UNC13C: variants seen among roughly 807,000 people sequenced by gnomAD.
UNC13C encodes the protein protein unc-13 homolog C.
UNC13C carries 174 observed loss-of-function variants against 245.4 expected under a neutral mutation model. That is an observed-to-expected ratio of 0.71 (90% CI 0.63 to 0.80). The LOEUF (loss-of-function observed/expected upper bound fraction) is 0.80. Among genes scored for constraint, UNC13C ranks in the 30% least tolerant of loss-of-function variants. The pLI is 0.00. For synonymous variants in UNC13C, 992 were observed against 895.1 expected, an observed-to-expected ratio of 1.11 and a Z score of -1.93; for missense variants, 2,829 against 2,602.9, an observed-to-expected ratio of 1.09 and a Z score of -1.89.
At chr15:54,379,497 T>G (rs2039675368) in intron 17 of UNC13C, among the ~76,000 whole-genome samples, 1 of 152,136 alleles carries the variant, frequency 6.6e-6, no homozygotes, top group South Asian at 2.1e-4. Context: ...TAGCCTTTAT[T>G]ATACCTTTTT....
At chr15:53,881,753 C>T in the UNC13C span, among the ~76,000 whole-genome samples, 1 of 152,202 alleles carries the variant, frequency 6.6e-6, no homozygotes, top group Non-Finnish European at 1.5e-5. Context: ...TTAGAGGGCT[C>T]ATGTTCTCAA....
chr15:53,984,101 T>TA, intron 1 of UNC13C, among the ~76,000 whole-genome samples: 1 of 152,242 alleles, frequency 6.6e-6, no homozygotes, highest in African/African-American at 2.4e-5. Flanking sequence ...TTCATTGTCC[T>TA]AAAAAATGCT....
chr15:53,997,903 AGCTAT>A (rs1894707626), intron 1 of UNC13C, among the ~76,000 whole-genome samples: 1 of 151,968 alleles, frequency 6.6e-6, no homozygotes, highest in Non-Finnish European at 1.5e-5. Context: ...GCCAGGCCCA[AGCTAT>A]CCTCCCACCT....
intron 18 of UNC13C, among the ~76,000 whole-genome samples, chr15:54,404,648 A>T (rs912992059): frequency 2.0e-5 from 3 of 152,264 alleles, no homozygotes; most frequent in African/African-American, 4.8e-5. Flanking sequence ...GTTAATTTAA[A>T]TATATATGGT....
At chr15:54,004,460 T>C (rs1036316546) in intron 1 of UNC13C, among the ~76,000 whole-genome samples, 2 of 152,208 alleles carry the variant, frequency 1.3e-5, no homozygotes, top group Non-Finnish European at 2.9e-5. Flanking sequence ...GAACAGTACT[T>C]CAACAGGCAT....
chr15:54,311,149 C>A (rs959072458), intron 13 of UNC13C, among the ~76,000 whole-genome samples: 1 of 151,622 alleles, frequency 6.6e-6, no homozygotes, highest in Non-Finnish European at 1.5e-5. Context: ...AATTCTGTTG[C>A]TCAGTTTCAG....
chr15:53,991,589 C>T (rs1470143904), intron 1 of UNC13C, among the ~76,000 whole-genome samples: 3 of 151,900 alleles, frequency 2.0e-5, no homozygotes, highest in African/African-American at 2.4e-5. Flanking sequence ...ACCTTCTAAT[C>T]ATCCATTATT....
the UNC13C span, among the ~76,000 whole-genome samples, chr15:53,902,029 G>A: frequency 6.7e-6 from 1 of 148,808 alleles, no homozygotes; most frequent in Non-Finnish European, 1.5e-5. Flanking sequence ...ACCACCACAT[G>A]TGCATTAGTT....
intron 16 of UNC13C, among the ~76,000 whole-genome samples, chr15:54,335,193 C>T (rs991588497): frequency 6.6e-6 from 1 of 152,068 alleles, no homozygotes; most frequent in African/African-American, 2.4e-5. Context: ...TTCCAGCAAT[C>T]CTCTCCACTC....
chr15:54,199,907 G>A (rs917075918), intron 4 of UNC13C, among the ~76,000 whole-genome samples: 12 of 152,024 alleles, frequency 7.9e-5, no homozygotes, highest in Non-Finnish European at 1.3e-4. Flanking sequence ...TGGCTGAATA[G>A]ATGAAAATTT....
chr15:54,579,826 A>G (rs929858899), intron 30 of UNC13C, among the ~76,000 whole-genome samples: 3 of 152,224 alleles, frequency 2.0e-5, no homozygotes, highest in African/African-American at 7.2e-5. Context: ...GAGTAGCACA[A>G]TCGCCTGGAG....
intron 11 of UNC13C, among the ~76,000 whole-genome samples, chr15:54,296,933 C>T (rs539114533): frequency 3.3e-5 from 5 of 152,314 alleles, no homozygotes; most frequent in Admixed American, 1.3e-4. Context: ...CACGTACGCA[C>T]GCACATTTTA....
intron 30 of UNC13C, among the ~76,000 whole-genome samples, chr15:54,575,745 A>G (rs1382386336): frequency 6.6e-6 from 1 of 152,222 alleles, no homozygotes; most frequent in Non-Finnish European, 1.5e-5. Context: ...GTCAGAGATA[A>G]TCAGAGATCT....
intron 4 of UNC13C, among the ~76,000 whole-genome samples, chr15:54,186,908 G>T (rs529007612): frequency 1.3e-5 from 2 of 148,946 alleles, no homozygotes; most frequent in African/African-American, 2.5e-5. Flanking sequence ...GAGTGCAGTG[G>T]CACAAACTTG....
intron 4 of UNC13C, among the ~76,000 whole-genome samples, chr15:54,217,082 C>T (rs1002695679): frequency 2.6e-5 from 4 of 151,986 alleles, no homozygotes; most frequent in African/African-American, 7.2e-5. Flanking sequence ...ATGTGAGAGT[C>T]TGGAACAATT....
chr15:54,628,025 A>G lies in UNC13C; in HGVS notation c.*912A>G, dbSNP rs1225574118. ...TTCAATGATTAGTATTGAATGCAGC[A>G]TTACTATATATTGTACTGATGCCAA... On this transcript the variant is annotated 3_prime_UTR_variant, in exon 33 of 33. Coordinates refer to ENST00000260323, the MANE Select transcript of UNC13C (RefSeq NM_001080534.3). The G allele has an allele frequency of 6.6e-6, 1 of 152,196 alleles. No individual in the cohort carries two copies. Among genetic ancestry groups the G allele is most frequent in the Non-Finnish European group, 1.5e-5 (1 of 68,004 alleles). 9.4% of individuals were successfully genotyped at this position (152,196 alleles called of 1,614,324 possible).
At chr15:54,151,304 C>G (rs932982460) in intron 4 of UNC13C, among the ~76,000 whole-genome samples, 3 of 152,142 alleles carry the variant, frequency 2.0e-5, no homozygotes, top group Admixed American at 2.0e-4. Context: ...TTTTTTACTT[C>G]CATTATTTAA....
intron 2 of UNC13C, among the ~76,000 whole-genome samples, chr15:54,113,936 G>A (rs1016994289): frequency 3.3e-5 from 5 of 152,014 alleles, no homozygotes; most frequent in African/African-American, 7.3e-5. Context: ...TCCTATAAAG[G>A]TTATCTTTAG....
intron 30 of UNC13C, among the ~76,000 whole-genome samples, chr15:54,575,663 C>T (rs10518772): frequency 0.035 from 5,254 of 152,064 alleles, 162 homozygotes; most frequent in East Asian, 0.11. Context: ...GTCTTCAGTT[C>T]CTATGCTTGG....
Sources: allele counts gnomAD v4.1 joint callset (sites outside exome capture counted in the v4.1 genomes callset), GRCh38; gene constraint gnomAD v4.1.1; transcripts MANE v1.5; gene names NCBI Gene and HGNC (gene_info 2026-07-23, HGNC 2026-07-21).